AP3B2: variants seen among roughly 807,000 people sequenced by gnomAD.
The protein encoded by AP3B2 is adaptor related protein complex 3 subunit beta 2.
AP3B2 carries 50 observed loss-of-function variants against 126.9 expected under a neutral mutation model. The observed-to-expected ratio is 0.39, with a 90% CI of 0.31 to 0.50. The LOEUF (loss-of-function observed/expected upper bound fraction) is 0.50, where lower values mean the gene tolerates loss of function less well. Among genes scored for constraint, AP3B2 ranks in the 20% least tolerant of loss-of-function variants. The pLI is 0.79. For synonymous variants in AP3B2, 541 were observed against 565.0 expected (o/e 0.96, Z 0.60); for missense variants, 1,177 against 1,426.4 (o/e 0.83, Z 2.82).
chr15:82,685,125 G>A (rs115889500), intron 4 of AP3B2: 2 of 152,226 alleles, frequency 1.3e-5, no homozygotes, highest in Admixed American at 6.5e-5. Flanking sequence ...GTCTGAGCAT[G>A]GTTTGTGGCA....
Position 82,664,973 on chromosome 15 carries a change from T to C in AP3B2, c.2029-30A>G. 4.6e-6 allele frequency: 7 copies of C among 1,518,066 alleles called. No individual in the cohort carries two copies. The highest frequency in any genetic ancestry group is 6.3e-6 in the Non-Finnish European group (7 of 1,105,806). 94.0% of individuals were successfully genotyped at this position (1,518,066 alleles called of 1,614,324 possible). On this transcript the variant is annotated intron_variant, in intron 17 of 26. Transcript: ENST00000535359. This position sits in a 1 kb window ranked among gnomAD's most constrained non-coding sequence, Gnocchi z 4.5. The stretch of plus-strand genomic sequence containing the variant: ...AGATGGGGGTAGGGTGCAGGGTCAT[T>C]TCATCATGGTTGGGGAGAAGGCAGG...
intron 15 of AP3B2, among the ~76,000 whole-genome samples, chr15:82,666,046 A>G (rs1199003809): frequency 6.6e-6 from 1 of 152,182 alleles, no homozygotes; most frequent in Non-Finnish European, 1.5e-5. Context: ...GAGAATTTCA[A>G]AGCTGTGCCC....
rs751989299 is a variant in AP3B2 at position 82,659,641 on chromosome 15, A to G, written c.3225T>C (p.Ala1075=). 16 of 1,613,984 alleles carry G rather than the reference A, an allele frequency of 9.9e-6. No homozygotes were observed. The highest frequency in any genetic ancestry group is 1.3e-5 in the African/African-American group (1 of 75,040). The change falls in exon 27 of 27, where the codon GCT becomes GCC. Residue 1075 remains alanine (A), a synonymous_variant. Coordinates refer to ENST00000535359, the MANE Select transcript of AP3B2 (RefSeq NM_001278512.2). The part of the protein sequence containing the change: ...LLTLDARPAG[A]AQLTVNSEKM... Reference sequence around the variant, plus strand: ...TCTCGCTGTTGACAGTCAGCTGGGCAGCTCCAGCTGGCCGGGCATCCAGGG... The same window carrying G: ...TCTCGCTGTTGACAGTCAGCTGGGCGGCTCCAGCTGGCCGGGCATCCAGGG...
chr15:82,676,585 T>C lies in AP3B2; in HGVS notation c.1541A>G (p.His514Arg). ...ILWLIGEYCE[H>R]VPRIAPDVLR... ...GACATCAGGTGCAATCCTGGGGACA[T>C]GCTCACAGTACTCTCCGATGAGCCA... Residue 514 changes from histidine (H) to arginine (R), a missense_variant, in exon 14 of 27, where the codon CAT becomes CGT. This residue lies in a region of AP3B2 where 308 missense variants were observed against 452.4 expected (regional missense o/e 0.68). Transcript: ENST00000535359. The C allele has an allele frequency of 6.2e-7, 1 of 1,613,998 alleles. No homozygotes were observed. The highest frequency in any genetic ancestry group is 1.3e-5 in the African/African-American group (1 of 75,036).
At chr15:82,701,921 CTTGTTTGAT>C (rs1469445341) in intron 1 of AP3B2, among the ~76,000 whole-genome samples, 1 of 152,002 alleles carries the variant, frequency 6.6e-6, no homozygotes, top group Admixed American at 6.6e-5. Flanking sequence ...GATTTTTTTC[CTTGTTTGAT>C]TTGACCTTAA....
chr15:82,668,458 C>G (rs1428369893), intron 14 of AP3B2, among the ~76,000 whole-genome samples: 1 of 152,226 alleles, frequency 6.6e-6, no homozygotes, highest in Non-Finnish European at 1.5e-5. Flanking sequence ...CAAGAGGCTG[C>G]TGATCCCTCT....
Position 82,664,832 on chromosome 15 carries a change from C to T in AP3B2, c.2137+3G>A, listed in dbSNP as rs759835488. ...GAGGACCCCAGCTCTGCCATCTGCT[C>T]ACCACTGTCTGCGGACTCCGTGGGG... On this transcript the variant is annotated splice_donor_region_variant and intron_variant, in intron 18 of 26. Transcript: ENST00000535359. This position sits in a 1 kb window ranked among gnomAD's most constrained non-coding sequence, Gnocchi z 4.5. The T allele has an allele frequency of 2.9e-5, 46 of 1,585,890 alleles. No individual in the cohort carries two copies. In the South Asian group the frequency reaches 4.1e-4, roughly 14 times the overall value.
chr15:82,667,312 G>A (rs891564616), intron 14 of AP3B2, among the ~76,000 whole-genome samples: 2 of 152,210 alleles, frequency 1.3e-5, no homozygotes, highest in African/African-American at 4.8e-5. Flanking sequence ...ATGCTCTGCT[G>A]GACCTCACAG....
intron 1 of AP3B2, chr15:82,699,848 C>A (rs1262544333): frequency 3.3e-5 from 13 of 399,666 alleles, no homozygotes; most frequent in Non-Finnish European, 4.9e-5. Context: ...CTCACCACGG[C>A]CCCCGGGAGC....
At position 82,659,447 on chromosome 15, in the gene AP3B2, CT is replaced by C; in HGVS notation, c.*112del. ...AGAGGGAGAGAGGACACCCTGAATGCTATCTGGCATGAGGAGGATGATGAGA... is the reference window on the plus strand; with the variant it reads ...AGAGGGAGAGAGGACACCCTGAATGCATCTGGCATGAGGAGGATGATGAGA... On this transcript the variant is annotated 3_prime_UTR_variant, in exon 27 of 27. Transcript: ENST00000535359. The C allele has an allele frequency of 7.1e-7, 1 of 1,408,716 alleles. No individual in the cohort carries two copies. The highest frequency in any genetic ancestry group is 1.3e-5 in the South Asian group (1 of 77,020). 87.3% of individuals were successfully genotyped at this position (1,408,716 alleles called of 1,614,324 possible).
At chr15:82,694,057 G>A (rs138748233) in intron 1 of AP3B2, among the ~76,000 whole-genome samples, 13,906 of 151,664 alleles carry the variant, frequency 0.092, 868 homozygotes, top group East Asian at 0.33. Context: ...AGGCTGGAGT[G>A]CAGTGGCGCA....
intron 1 of AP3B2, among the ~76,000 whole-genome samples, chr15:82,701,706 G>A (rs2048721977): frequency 6.6e-6 from 1 of 152,246 alleles, no homozygotes; most frequent in African/African-American, 2.4e-5. Flanking sequence ...GTCAATGACA[G>A]TTGAATCTAG....
At chr15:82,688,900 G>A in intron 3 of AP3B2, 69 bp from the exon 4 acceptor site, 1 of 1,404,098 alleles carries the variant, frequency 7.1e-7, no homozygotes. Context: ...CCTACCCCTG[G>A]GATGTCATCT....
rs1374848086 is a variant in AP3B2 at position 82,662,704 on chromosome 15, A to G, written c.2823T>C (p.Phe941=). 1.2e-6 allele frequency: 2 copies of G among 1,612,866 alleles called. No individual in the cohort carries two copies. The highest frequency in any genetic ancestry group is 8.5e-7 in the Non-Finnish European group (1 of 1,179,370). Residue 941 remains phenylalanine, a synonymous_variant, in exon 23 of 27, where the codon TTT becomes TTC. Coordinates refer to ENST00000535359, the MANE Select transcript of AP3B2 (RefSeq NM_001278512.2). ...KLPAGISIQE[F]PEIESLAPGE... is the part of the protein sequence containing the mutation. The stretch of plus-strand genomic sequence containing the variant: ...CAAAGCCCTTCGCACCAATTTCGGG[A>G]AATTCTTGGATGCTGATGCCAGCAG...
At chr15:82,666,405 C>T (rs2048059165) in intron 15 of AP3B2, among the ~76,000 whole-genome samples, 1 of 152,256 alleles carries the variant, frequency 6.6e-6, no homozygotes, top group Non-Finnish European at 1.5e-5. Context: ...GTTTTGCTTT[C>T]TGCCTTCCTG....
chr15:82,662,079 C>G, intron 24 of AP3B2, 89 bp downstream of exon 24: 1 of 1,364,552 alleles, frequency 7.3e-7, no homozygotes, highest in South Asian at 1.3e-5. Flanking sequence ...TGATGTATCC[C>G]CACTAAGCAC....
Position 82,681,106 on chromosome 15 carries a change from AC to A in AP3B2, c.588+5del. ...CACCCCTCCCGGAGCGCCCCTATACACGCACCGTGGTCTTGTCAGCCAGAAG... is the reference window on the plus strand; with the variant it reads ...CACCCCTCCCGGAGCGCCCCTATACAGCACCGTGGTCTTGTCAGCCAGAAG... On this transcript the variant is annotated splice_donor_5th_base_variant and intron_variant, in intron 6 of 26. Transcript: ENST00000535359. The surrounding 1 kb of genome is among the most constrained non-coding windows in gnomAD (Gnocchi z 4.0). 1 of 1,613,526 alleles carries A rather than the reference AC, an allele frequency of 6.2e-7. No individual in the cohort carries two copies. Among genetic ancestry groups the A allele is most frequent in the South Asian group, 1.1e-5 (1 of 91,024 alleles).
At chr15:82,682,355 A>C (rs1477051748) in intron 4 of AP3B2, among the ~76,000 whole-genome samples, 1 of 151,970 alleles carries the variant, frequency 6.6e-6, no homozygotes, top group Non-Finnish European at 1.5e-5. Flanking sequence ...GCCCGGCCCC[A>C]AGCCCTTCTT....
chr15:82,697,013 G>C (rs918209967), intron 1 of AP3B2, among the ~76,000 whole-genome samples: 1 of 152,182 alleles, frequency 6.6e-6, no homozygotes, highest in Middle Eastern at 3.4e-3. Context: ...CAAGAACCCA[G>C]CTTGAGAAAT....
Sources: gnomAD v4.1 joint callset for allele counts (sites outside exome capture counted in the v4.1 genomes callset) on GRCh38, gnomAD v4.1.1 for gene constraint, gnomAD v4.1.1 regional missense constraint, Gnocchi (gnomAD v3.1) non-coding constraint, MANE v1.5 for transcripts, NCBI Gene and HGNC (gene_info 2026-07-23, HGNC 2026-07-21) for gene names.